Variants in CFAP47 observed in about 807,000 individuals in gnomAD.
The protein encoded by CFAP47 is cilia and flagella associated protein 47, also known as cilia- and flagella-associated protein 47.
A neutral mutation model predicts 148.1 loss-of-function variants in CFAP47; 29 were observed. That is an observed-to-expected ratio of 0.20 (90% CI 0.15 to 0.27). The LOEUF (loss-of-function observed/expected upper bound fraction) is 0.27. Ranked by LOEUF, CFAP47 falls within the 10% of genes least tolerant of loss-of-function variation. CFAP47 has a pLI of 1.00. For missense variants in CFAP47, 1,872 were observed against 1,697.5 expected, an observed-to-expected ratio of 1.10 and a Z score of -1.81; for synonymous variants, 664 against 577.3, an observed-to-expected ratio of 1.15 and a Z score of -2.15.
intron 51 of CFAP47, among the ~76,000 whole-genome samples, chrX:36,287,631 C>T (rs1342465363): frequency 8.1e-5 from 9 of 111,263 alleles, no homozygotes; most frequent in African/African-American, 2.9e-4. Flanking sequence ...GGCAGGTTTG[C>T]TGTATTAATT....
At chrX:36,264,164 C>G (rs1940862652) in intron 49 of CFAP47, among the ~76,000 whole-genome samples, 1 of 111,565 alleles carries the variant, frequency 9.0e-6, no homozygotes, top group African/African-American at 3.3e-5. Flanking sequence ...CCATTCTTCC[C>G]TCTCCTTTCC....
rs915954811 is a variant in CFAP47, at chrX:36,035,813, G to A, written c.3770G>A (p.Arg1257Gln). 2.4e-5 allele frequency: 7 copies of A among 293,879 alleles called. No individual in the cohort carries two copies. The highest frequency in any genetic ancestry group is 1.1e-4 in the African/African-American group (4 of 36,070). The allele number at this position is 293,879 out of a possible 1,213,427, so 24.2% of individuals were successfully genotyped here. The change falls in exon 24 of 64, where the codon CGA becomes CAA. Residue 1257 changes from arginine to glutamine, a missense_variant. Arg to Gln is a conservative substitution (Grantham distance 43). Transcript: ENST00000378653. ...FKFSVLNGIL[R>Q]PNEKYNVSIS... is the part of the protein sequence containing the mutation. ...TTCAGTGTACTGAATGGGATTCTAC[G>A]ACCAAATGAAAAGTATAATGTTTCC...
At chrX:36,094,231 G>A (rs1267622727) in intron 30 of CFAP47, among the ~76,000 whole-genome samples, 2 of 110,609 alleles carry the variant, frequency 1.8e-5, no homozygotes, top group Non-Finnish European at 3.8e-5. Context: ...ATTGGTCGAT[G>A]TGTATGTTTT....
intron 62 of CFAP47, among the ~76,000 whole-genome samples, chrX:36,372,264 G>C (rs1362046899): frequency 9.0e-6 from 1 of 110,562 alleles, no homozygotes; most frequent in Non-Finnish European, 1.9e-5. Flanking sequence ...AAATTTTGTG[G>C]ATTTAGAACA....
chrX:35,956,113 C>T lies in CFAP47; in HGVS notation c.1327C>T (p.Leu443Phe). The T allele has an allele frequency of 3.3e-6, 4 of 1,211,317 alleles. No individual in the cohort carries two copies. In the Middle Eastern group the frequency reaches 6.9e-4, roughly 209 times the overall value. ...CATCATAAAAAATCAATGCGAATTACTTCCTGTGACGTACCACTTTAAAAA... is the reference window on the plus strand; with the variant it reads ...CATCATAAAAAATCAATGCGAATTATTTCCTGTGACGTACCACTTTAAAAA... ...QCIIKNQCEL[L>F]PVTYHFKKTA... Residue 443 changes from leucine to phenylalanine, a missense_variant, in exon 8 of 64, where the codon CTT becomes TTT. Leu to Phe is a conservative substitution (Grantham distance 22). Coordinates refer to ENST00000378653, the MANE Select transcript of CFAP47 (RefSeq NM_001304548.2).
intron 15 of CFAP47, among the ~76,000 whole-genome samples, chrX:35,986,963 C>T (rs769055057): frequency 9.0e-6 from 1 of 111,638 alleles, no homozygotes; most frequent in East Asian, 2.9e-4. Context: ...TTGCTGCCTG[C>T]TCCTTCCTCT....
chrX:35,989,299 T>C lies in CFAP47; in HGVS notation c.2714-20T>C. The C allele has an allele frequency of 9.0e-7, 1 of 1,114,918 alleles. No homozygotes were observed. Among genetic ancestry groups the C allele is most frequent in the Non-Finnish European group, 1.2e-6 (1 of 811,844 alleles). The allele number at this position is 1,114,918 out of a possible 1,213,427, so 91.9% of individuals were successfully genotyped here. A position where few individuals can be genotyped will look rare whatever the true frequency, so the allele number is the denominator to read the frequency against. On this transcript the variant is annotated intron_variant, in intron 15 of 63. Transcript: ENST00000378653. ...TTAAAATGTGGAAAATGTCTTATTT[T>C]CTCTCTACATTTTCCGTAGGCACTG...
chrX:36,150,021 C>G (rs1016276823), intron 37 of CFAP47, among the ~76,000 whole-genome samples: 1 of 110,833 alleles, frequency 9.0e-6, no homozygotes, highest in African/African-American at 3.3e-5. Flanking sequence ...GTTCATAATC[C>G]TACCTCAAAG....
intron 3 of CFAP47, among the ~76,000 whole-genome samples, chrX:35,946,179 C>A (rs906767572): frequency 1.8e-5 from 2 of 111,248 alleles, no homozygotes; most frequent in African/African-American, 6.5e-5. Flanking sequence ...GGCCAACATT[C>A]TTTTTTTCAA....
rs1365183029 is a variant in CFAP47 at position 35,948,800 on chromosome X, C to CGT, written c.656+365_656+366dup. Among the ~76,000 whole-genome samples the CGT allele has an allele frequency of 1.6e-3, 137 of 85,119 alleles. 2 individuals carry two copies. The Middle Eastern group carries it at 0.027, about 17-fold the overall frequency. 73.9% of individuals were successfully genotyped at this position (85,119 alleles called of 115,157 possible). A position where few individuals can be genotyped will look rare whatever the true frequency, so the allele number is the denominator to read the frequency against. On this transcript the variant is annotated intron_variant, in intron 4 of 63. Transcript: ENST00000378653. Reference sequence around the variant, plus strand: ...ATGTGATTTGGGGTGTGTGTGTGTGCGTGTGTGTGTGTGTGTGTAGGGGTG... The same window carrying CGT: ...ATGTGATTTGGGGTGTGTGTGTGTGCGTGTGTGTGTGTGTGTGTGTAGGGGTG...
intron 33 of CFAP47, among the ~76,000 whole-genome samples, chrX:36,109,921 G>C (rs867466791): frequency 2.3e-4 from 26 of 112,081 alleles, no homozygotes; most frequent in African/African-American, 8.1e-4. Context: ...AAAAGTGTCT[G>C]TTCATGTCCT....
At chrX:36,089,040 T>C (rs1483370647) in intron 30 of CFAP47, among the ~76,000 whole-genome samples, 6 of 111,975 alleles carry the variant, frequency 5.4e-5, no homozygotes, top group Admixed American at 2.9e-4. Flanking sequence ...GTAAATTTAG[T>C]TCCACTTGTG....
intron 57 of CFAP47, among the ~76,000 whole-genome samples, chrX:36,326,652 A>G (rs1941520551): frequency 8.9e-6 from 1 of 111,908 alleles, no homozygotes; most frequent in African/African-American, 3.3e-5. Context: ...AGATTTGCGG[A>G]ACTTTGAACT....
At chrX:35,961,570 A>G (rs963970820) in intron 8 of CFAP47, among the ~76,000 whole-genome samples, 3 of 111,017 alleles carry the variant, frequency 2.7e-5, no homozygotes, top group Non-Finnish European at 5.7e-5. Context: ...TCTTTATAAG[A>G]ATTTGCCCAT....
At chrX:36,173,220 A>G (rs1416170298) in intron 39 of CFAP47, among the ~76,000 whole-genome samples, 1 of 111,292 alleles carries the variant, frequency 9.0e-6, no homozygotes, top group Non-Finnish European at 1.9e-5. Flanking sequence ...CTAGCAGTCT[A>G]TCAATTTTGT....
At chrX:35,967,338 T>C (rs1464327407) in intron 9 of CFAP47, among the ~76,000 whole-genome samples, 1 of 111,347 alleles carries the variant, frequency 9.0e-6, no homozygotes, top group Admixed American at 9.7e-5. Flanking sequence ...TATTCAACTG[T>C]TTTGGACCAA....
Position 36,258,248 on chromosome X carries a change from T to G in CFAP47, c.7444+6804T>G, listed in dbSNP as rs781913325. Among the ~76,000 whole-genome samples, 4 of 112,104 alleles carry G rather than the reference T, an allele frequency of 3.6e-5. No individual in the cohort carries two copies. In the Admixed American group the frequency reaches 3.8e-4, roughly 11 times the overall value. The stretch of plus-strand genomic sequence containing the variant: ...CAAACAAGCTTTTAGTTCGCTTTTG[T>G]AAAAGATCCCCAAACCAATAGAGTT... On this transcript the variant is annotated intron_variant, in intron 49 of 63. Transcript: ENST00000378653.
chrX:36,346,539 C>T (rs1941699004), intron 57 of CFAP47, among the ~76,000 whole-genome samples: 1 of 111,914 alleles, frequency 8.9e-6, no homozygotes, highest in African/African-American at 3.2e-5. Flanking sequence ...AATAAATTAA[C>T]AGCTTTTAGT....
intron 36 of CFAP47, among the ~76,000 whole-genome samples, chrX:36,147,034 C>T (rs745934856): frequency 2.3e-4 from 25 of 110,776 alleles, no homozygotes; most frequent in African/African-American, 6.2e-4. Context: ...CCACCCGCCT[C>T]GGCCTTCCAA....
Sources: gnomAD v4.1 joint callset for allele counts (sites outside exome capture counted in the v4.1 genomes callset) on GRCh38, gnomAD v4.1.1 for gene constraint, MANE v1.5 for transcripts, NCBI Gene and HGNC (gene_info 2026-07-23, HGNC 2026-07-21) for gene names.